The following KCNT1 variants were observed in gnomAD, a reference collection of about 807,000 sequenced individuals.
The protein encoded by KCNT1 is potassium channel subfamily T member 1.
In KCNT1, 78 loss-of-function variants were observed where a neutral mutation model predicts 147.8. The ratio of observed to expected loss-of-function variants is 0.53; its 90% CI spans 0.44 to 0.64. KCNT1 has a LOEUF of 0.64. Ranked by LOEUF, KCNT1 falls within the 30% of genes least tolerant of loss-of-function variation. KCNT1 has a pLI of 0.00. For synonymous variants in KCNT1, 867 were observed against 748.8 expected (o/e 1.16, Z -2.58); for missense variants, 1,419 against 1,750.3 (o/e 0.81, Z 3.38).
chr9:135,714,691 G>C lies in KCNT1; in HGVS notation c.225G>C (p.Leu75=). 1 of 1,467,522 alleles carries C rather than the reference G, an allele frequency of 6.8e-7. No homozygotes were observed. The highest frequency in any genetic ancestry group is 9.1e-7 in the Non-Finnish European group (1 of 1,098,508). The allele number at this position is 1,467,522 out of a possible 1,614,324, so 90.9% of individuals were successfully genotyped here. A position where few individuals can be genotyped will look rare whatever the true frequency, so the allele number is the denominator to read the frequency against. Residue 75 remains leucine, a synonymous_variant, in exon 2 of 31, where the codon CTG becomes CTC. Transcript: ENST00000371757. This position sits in a 1 kb window ranked among gnomAD's most constrained non-coding sequence, Gnocchi z 6.2. ...PPRYRFRDLL[L]GDPSFQNDDR... is the part of the protein sequence containing the mutation. ...GCTACCGCTTCCGGGACCTGCTGCT[G>C]GGCGACCCGTCCTTCCAGAACGACG...
chr9:135,735,996 A>T (rs1372249254), intron 2 of KCNT1, among the ~76,000 whole-genome samples: 1 of 152,248 alleles, frequency 6.6e-6, no homozygotes, highest in African/African-American at 2.4e-5. Context: ...CATCTGGGGC[A>T]GACCAGCGCT....
chr9:135,724,738 T>C (rs543111732), intron 2 of KCNT1, among the ~76,000 whole-genome samples: 72 of 152,366 alleles, frequency 4.7e-4, no homozygotes, highest in African/African-American at 1.6e-3. Flanking sequence ...GTGTGTCATG[T>C]ATTTCATTGG....
In KCNT1 at chr9:135,748,389, T is replaced by C. The variant is rs577951542; in HGVS notation, c.255-1709T>C. Among the ~76,000 whole-genome samples the C allele has an allele frequency of 1.1e-4, 16 of 151,994 alleles. No homozygotes were observed. The East Asian group carries it at 3.1e-3, about 30-fold the overall frequency. On this transcript the variant is annotated intron_variant, in intron 2 of 30. Coordinates refer to ENST00000371757, the MANE Select transcript of KCNT1 (RefSeq NM_020822.3). Reference sequence around the variant, plus strand: ...GGTCCACACCACTTACCCTGAGTGTTGTGAGCTTTGGGAAACATCGAATGT... The same window carrying C: ...GGTCCACACCACTTACCCTGAGTGTCGTGAGCTTTGGGAAACATCGAATGT...
chr9:135,769,129 CTG>C (rs1365451489), intron 15 of KCNT1, among the ~76,000 whole-genome samples, 192 bp downstream of exon 15: 1 of 65,302 alleles, frequency 1.5e-5, no homozygotes, highest in African/African-American at 6.5e-5. Context: ...GTCGGTGCGT[CTG>C]GGGCAGGGCG....
At chr9:135,734,547 C>T (rs760818620) in intron 2 of KCNT1, among the ~76,000 whole-genome samples, 32 of 152,286 alleles carry the variant, frequency 2.1e-4, no homozygotes, top group Admixed American at 7.2e-4. Flanking sequence ...CTGCTGCAGC[C>T]GGCTGTGGGC....
At chr9:135,785,005 C>T (rs1588402742) in intron 27 of KCNT1, 116 bp downstream of exon 27, 2 of 1,441,346 alleles carry the variant, frequency 1.4e-6, no homozygotes, top group Non-Finnish European at 1.9e-6. Context: ...TGACCCACAG[C>T]ATCCCCACCT....
intron 13 of KCNT1, among the ~76,000 whole-genome samples, chr9:135,767,032 G>A (rs77245347): frequency 0.015 from 2,233 of 152,182 alleles, 58 homozygotes; most frequent in African/African-American, 0.048. Flanking sequence ...AGAATGTGTC[G>A]GTGCACTTTC....
At chr9:135,713,053 G>T (rs983872837) in intron 1 of KCNT1, among the ~76,000 whole-genome samples, 1 of 152,244 alleles carries the variant, frequency 6.6e-6, no homozygotes, top group South Asian at 2.1e-4. Flanking sequence ...TGGGCCTTGA[G>T]GCCAGGAGGA....
At chr9:135,766,347 T>G (rs1009189878) in intron 13 of KCNT1, among the ~76,000 whole-genome samples, 2 of 146,210 alleles carry the variant, frequency 1.4e-5, no homozygotes, top group African/African-American at 5.2e-5. Flanking sequence ...GAGTGAACCA[T>G]CTGGGATGGA....
chr9:135,704,256 C>T (rs1835158585), intron 1 of KCNT1, among the ~76,000 whole-genome samples: 1 of 152,088 alleles, frequency 6.6e-6, no homozygotes, highest in African/African-American at 2.4e-5. Context: ...CTCTGTCTTT[C>T]CTGGGTGCTG....
At chr9:135,785,093 A>G (rs1833936913) in intron 27 of KCNT1, among the ~76,000 whole-genome samples, 1 of 152,178 alleles carries the variant, frequency 6.6e-6, no homozygotes, top group African/African-American at 2.4e-5. Flanking sequence ...GCCCACGTGT[A>G]GCGCTTCCAG....
chr9:135,731,966 A>ATATATATATATATATATG (rs1465385978), intron 2 of KCNT1, among the ~76,000 whole-genome samples: 16 of 19,386 alleles, frequency 8.3e-4, no homozygotes, highest in East Asian at 1.6e-3. Context: ...GCGTGTATAT[A>ATATATATATATATATATG]TATATATATA....
intron 2 of KCNT1, among the ~76,000 whole-genome samples, chr9:135,731,695 A>T (rs567252167): frequency 1.3e-5 from 2 of 151,914 alleles, no homozygotes; most frequent in East Asian, 3.9e-4. Flanking sequence ...ATTTTTTCCC[A>T]TTAGAACTTG....
chr9:135,733,307 CCCACACCTGCCA>C (rs1243579595), intron 2 of KCNT1, among the ~76,000 whole-genome samples: 1 of 108,178 alleles, frequency 9.2e-6, no homozygotes, highest in African/African-American at 3.8e-5. Context: ...TGCACCTCCC[CCCACACCTGCCA>C]GCACACCTGC....
At chr9:135,707,828 T>G (rs1290045167) in intron 1 of KCNT1, among the ~76,000 whole-genome samples, 1 of 152,178 alleles carries the variant, frequency 6.6e-6, no homozygotes, top group Non-Finnish European at 1.5e-5. Flanking sequence ...TGCTCTGAAG[T>G]CTGTCTGGAT....
intron 2 of KCNT1, chr9:135,736,982 T>G: frequency 3.5e-6 from 1 of 286,094 alleles, no homozygotes. Context: ...GACCCCCCAC[T>G]CCCCCCACGT....
intron 19 of KCNT1, among the ~76,000 whole-genome samples, chr9:135,774,806 G>A (rs1320228970): frequency 6.6e-6 from 1 of 152,128 alleles, no homozygotes; most frequent in African/African-American, 2.4e-5. Flanking sequence ...TGACCATGGG[G>A]GGGTCCTGGG....
intron 2 of KCNT1, among the ~76,000 whole-genome samples, chr9:135,716,943 A>AAAAG (rs1330252286): frequency 6.6e-6 from 1 of 152,206 alleles, no homozygotes; most frequent in South Asian, 2.1e-4. Flanking sequence ...ATGGCCTCAG[A>AAAAG]GATGCTGTGC....
At chr9:135,705,785 A>C (rs58436919) in intron 1 of KCNT1, among the ~76,000 whole-genome samples, 3,592 of 152,274 alleles carry the variant, frequency 0.024, 140 homozygotes, top group African/African-American at 0.082. Context: ...AGCAGCTGGC[A>C]AGTGTAACAG....
Sources: gnomAD v4.1 joint callset for allele counts (sites outside exome capture counted in the v4.1 genomes callset) on GRCh38, gnomAD v4.1.1 for gene constraint, Gnocchi (gnomAD v3.1) non-coding constraint, MANE v1.5 for transcripts, NCBI Gene and HGNC (gene_info 2026-07-23, HGNC 2026-07-21) for gene names.